Variants in IL6ST observed in about 807,000 individuals in gnomAD.
The protein encoded by IL6ST is interleukin-6 receptor subunit beta.
IL6ST carries 24 observed loss-of-function variants against 91.3 expected under a neutral mutation model. That is an observed-to-expected ratio of 0.26 (90% CI 0.19 to 0.37). The LOEUF (loss-of-function observed/expected upper bound fraction) is 0.37, where lower values mean the gene tolerates loss of function less well. Ranked by LOEUF, IL6ST falls within the 10% of genes least tolerant of loss-of-function variation. The pLI, the probability that IL6ST is intolerant of heterozygous loss-of-function variation, is 1.00. For synonymous variants in IL6ST, 351 were observed against 373.6 expected (o/e 0.94, Z 0.70); for missense variants, 914 against 1,078.5 (o/e 0.85, Z 2.14).
At chr5:55,988,055 C>T (rs111818382) in intron 1 of IL6ST, among the ~76,000 whole-genome samples, 3,233 of 149,316 alleles carry the variant, frequency 0.022, 131 homozygotes, top group African/African-American at 0.076. Flanking sequence ...TGCTCGAACC[C>T]GGGAGGCAGA....
intron 7 of IL6ST, among the ~76,000 whole-genome samples, chr5:55,962,871 T>C (rs1752403258): frequency 6.6e-6 from 1 of 152,160 alleles, no homozygotes; most frequent in East Asian, 1.9e-4. Context: ...TCCCAGCATT[T>C]TGGGAGGCCA....
chr5:55,950,179 T>C (rs1273134707), intron 14 of IL6ST: 1 of 493,734 alleles, frequency 2.0e-6, no homozygotes, highest in Non-Finnish European at 4.0e-6. Flanking sequence ...AGGGAAAATG[T>C]ATTTGGGAAG....
At chr5:55,990,182 A>G (rs1485224809) in intron 1 of IL6ST, among the ~76,000 whole-genome samples, 4 of 152,126 alleles carry the variant, frequency 2.6e-5, no homozygotes, top group African/African-American at 9.7e-5. Flanking sequence ...TCATCTATAT[A>G]CTATAGCCAT....
At chr5:55,975,036 G>A (rs1753203903) in intron 3 of IL6ST, among the ~76,000 whole-genome samples, 1 of 151,938 alleles carries the variant, frequency 6.6e-6, no homozygotes, top group South Asian at 2.1e-4. Flanking sequence ...CCAGGATAGA[G>A]TGCAATGGCG....
chr5:55,950,876 G>A (rs1018117466), intron 14 of IL6ST, among the ~76,000 whole-genome samples: 1 of 151,904 alleles, frequency 6.6e-6, no homozygotes, highest in African/African-American at 2.4e-5. Context: ...TTGAGCCCAG[G>A]AGGTCAAGGC....
intron 11 of IL6ST, among the ~76,000 whole-genome samples, chr5:55,953,878 T>C (rs1751797847): frequency 6.6e-6 from 1 of 152,108 alleles, no homozygotes; most frequent in African/African-American, 2.4e-5. Flanking sequence ...TCCCAGATAC[T>C]CCAGAGGATG....
At position 55,940,447 on chromosome 5, in the gene IL6ST, C is replaced by T. The variant is rs1017665633; in HGVS notation, c.*635G>A. 9.5e-6 allele frequency: 2 copies of T among 209,834 alleles called. No individual in the cohort carries two copies. Among genetic ancestry groups the T allele is most frequent in the African/African-American group, 4.5e-5 (2 of 44,120 alleles). The allele number at this position is 209,834 out of a possible 1,614,324, so 13.0% of individuals were successfully genotyped here. ...TAAAAAATGAGTACTTTTAATCTGC[C>T]AAGTTAAAGCTCTAGAATTCCTTTT... On this transcript the variant is annotated 3_prime_UTR_variant, in exon 17 of 17. Transcript: ENST00000381298.
At position 55,936,562 on chromosome 5, in the gene IL6ST, A is replaced by G. The variant is rs1041141125; in HGVS notation, c.*4520T>C. The G allele has an allele frequency of 4.9e-6, 1 of 204,530 alleles. No individual in the cohort carries two copies. The highest frequency in any genetic ancestry group is 1.0e-5 in the Non-Finnish European group (1 of 100,054). The allele number at this position is 204,530 out of a possible 1,614,324, so 12.7% of individuals were successfully genotyped here. On this transcript the variant is annotated 3_prime_UTR_variant, in exon 17 of 17. Transcript: ENST00000381298. The stretch of plus-strand genomic sequence containing the variant: ...CCACACGAAGCATCTCATTTACACT[A>G]AGATGCTTATTTAGCTAACACCACT...
At chr5:55,971,475 G>A (rs1158343641) in intron 3 of IL6ST, among the ~76,000 whole-genome samples, 1 of 152,146 alleles carries the variant, frequency 6.6e-6, no homozygotes, top group East Asian at 1.9e-4. Flanking sequence ...CTACTACCAA[G>A]ATAAAAGTCC....
intron 16 of IL6ST, 92 bp from the exon 17 acceptor site, chr5:55,941,911 C>A (rs527931705): frequency 8.7e-5 from 92 of 1,052,144 alleles, no homozygotes; most frequent in Non-Finnish European, 1.2e-4. Context: ...CTCAGTGGTA[C>A]AGAAATAACC....
chr5:55,982,227 G>T (rs1328398997), intron 2 of IL6ST, among the ~76,000 whole-genome samples: 1 of 151,882 alleles, frequency 6.6e-6, no homozygotes, highest in Admixed American at 6.6e-5. Context: ...ACCTAAGGAT[G>T]AAATAAAAAG....
At chr5:55,958,114 G>GT (rs979097888) in intron 8 of IL6ST, among the ~76,000 whole-genome samples, 4 of 152,074 alleles carry the variant, frequency 2.6e-5, no homozygotes, top group African/African-American at 9.7e-5. Flanking sequence ...AAACATAGTG[G>GT]TTTTTTTCCA....
rs1468989913 is a variant in IL6ST at position 55,971,866 on chromosome 5, C to T, written c.65-2011G>A. Among the ~76,000 whole-genome samples, 4 of 152,290 alleles carry T rather than the reference C, an allele frequency of 2.6e-5. No individual in the cohort carries two copies. In the East Asian group the frequency reaches 7.7e-4, roughly 29 times the overall value. On this transcript the variant is annotated intron_variant, in intron 3 of 16. Coordinates refer to ENST00000381298, the MANE Select transcript of IL6ST (RefSeq NM_002184.4). ...GACCTCTCACAAAGCCTGTAAAACCCAGAGCTGGAATGTGTATTTCTTTGT... is the reference window on the plus strand; with the variant it reads ...GACCTCTCACAAAGCCTGTAAAACCTAGAGCTGGAATGTGTATTTCTTTGT...
chr5:55,962,301 C>T (rs1409763593), intron 7 of IL6ST, among the ~76,000 whole-genome samples: 3 of 152,056 alleles, frequency 2.0e-5, no homozygotes, highest in Non-Finnish European at 2.9e-5. Context: ...AGTCATTAGC[C>T]CAATTCCCTA....
chr5:55,949,995 G>T (rs1194943063), intron 14 of IL6ST, among the ~76,000 whole-genome samples: 1 of 152,148 alleles, frequency 6.6e-6, no homozygotes, highest in Non-Finnish European at 1.5e-5. Context: ...CCTCACTGGG[G>T]GCAATGCACT....
At chr5:55,973,023 C>CAA (rs1046395898) in intron 3 of IL6ST, among the ~76,000 whole-genome samples, 1 of 130,120 alleles carries the variant, frequency 7.7e-6, no homozygotes, top group Non-Finnish European at 1.7e-5. Flanking sequence ...AGAAAAAAAG[C>CAA]AAAAAAAAAA....
At chr5:55,974,435 C>T (rs1580845777) in intron 3 of IL6ST, among the ~76,000 whole-genome samples, 1 of 152,110 alleles carries the variant, frequency 6.6e-6, no homozygotes, top group East Asian at 1.9e-4. Context: ...AAGTGACTCT[C>T]CCACCTCAGC....
rs1200184382 is a variant in IL6ST at position 55,963,470 on chromosome 5, T to C, written c.695A>G (p.Asn232Ser). ...PNPPHNLSVINSEELSSILKL... is the reference protein window; with the variant it reads ...PNPPHNLSVISSEELSSILKL... ...TAAGATACTAGACAGTTCCTCTGAG[T>C]TGATCACTGATAAATTATGTGGCGG... The change falls in exon 7 of 17, where the codon AAC becomes AGC. Residue 232 changes from asparagine to serine, a missense_variant. Asn to Ser is a conservative substitution (Grantham distance 46, BLOSUM62 1). Coordinates refer to ENST00000381298, the MANE Select transcript of IL6ST (RefSeq NM_002184.4). The C allele has an allele frequency of 1.7e-5, 28 of 1,610,022 alleles. No individual in the cohort carries two copies. The highest frequency in any genetic ancestry group is 2.3e-5 in the Non-Finnish European group (27 of 1,177,556).
chr5:55,941,920 C>A, intron 16 of IL6ST, 101 bp from the exon 17 acceptor site: 1 of 990,430 alleles, frequency 1.0e-6, no homozygotes, highest in East Asian at 2.4e-5. Flanking sequence ...ACAGAAATAA[C>A]CTGTATTATG....
Sources: gnomAD v4.1 joint callset for allele counts (sites outside exome capture counted in the v4.1 genomes callset) on GRCh38, gnomAD v4.1.1 for gene constraint, MANE v1.5 for transcripts, NCBI Gene and HGNC (gene_info 2026-07-23, HGNC 2026-07-21) for gene names.